Variants in THTPA observed in about 807,000 individuals in gnomAD.
The protein encoded by THTPA is thiamine-triphosphatase.
THTPA carries 16 observed loss-of-function variants against 16.5 expected under a neutral mutation model. That is an observed-to-expected ratio of 0.97 (90% CI 0.66 to 1.47). The LOEUF is 1.47. THTPA is among the 40% of genes most tolerant of loss of function. The pLI, the probability that THTPA is intolerant of heterozygous loss-of-function variation, is 0.00. For missense variants in THTPA, 281 were observed against 280.9 expected (o/e 1.00, Z 0.00); for synonymous variants, 110 against 115.5 (o/e 0.95, Z 0.30).
chr14:23,547,721 T>TA, the THTPA span, among the ~76,000 whole-genome samples: 1 of 152,166 alleles, frequency 6.6e-6, no homozygotes, highest in Admixed American at 6.5e-5. Flanking sequence ...AATGTAGACT[T>TA]AGGTGGGGGG....
the THTPA span, chr14:23,523,026 A>C: frequency 7.1e-7 from 1 of 1,412,978 alleles, no homozygotes; most frequent in East Asian, 2.6e-5. This position sits in a 1 kb window ranked among gnomAD's most constrained non-coding sequence, Gnocchi z 4.1. Flanking sequence ...AGCCACACAC[A>C]CCCGTTCCCA....
chr14:23,533,616 C>T, the THTPA span: 3 of 1,536,858 alleles, frequency 2.0e-6, no homozygotes, highest in Middle Eastern at 1.7e-4. This position sits in a 1 kb window ranked among gnomAD's most constrained non-coding sequence, Gnocchi z 4.8. Context: ...ACACCTTGCA[C>T]TGCCAGGATG....
chr14:23,521,797 T>C, the THTPA span: 7 of 1,249,562 alleles, frequency 5.6e-6, no homozygotes, highest in Middle Eastern at 2.8e-4. Flanking sequence ...AGGACTCTGC[T>C]GGAAGTGGGG....
At chr14:23,523,329 G>T in the THTPA span, 17 of 1,457,588 alleles carry the variant, frequency 1.2e-5, no homozygotes, top group Non-Finnish European at 1.5e-5. The surrounding 1 kb of genome is among the most constrained non-coding windows in gnomAD (Gnocchi z 4.1). Flanking sequence ...GTGGTGGCAG[G>T]TGGGGCCTTG....
the THTPA span, among the ~76,000 whole-genome samples, chr14:23,537,007 GTGCA>G: frequency 6.6e-6 from 1 of 151,942 alleles, no homozygotes; most frequent in African/African-American, 2.4e-5. Flanking sequence ...GGGCGTGGTG[GTGCA>G]TGCCTGTAAT....
At position 23,556,864 on chromosome 14, in the gene THTPA, G is replaced by A. The variant is rs1490769188; in HGVS notation, c.107G>A (p.Arg36Gln). 6.2e-7 allele frequency: 1 copy of A among 1,613,180 alleles called. No homozygotes were observed. Among genetic ancestry groups the A allele is most frequent in the South Asian group, 1.1e-5 (1 of 90,916 alleles). The change falls in exon 1 of 2, where the codon CGA becomes CAA. Residue 36 changes from arginine (R) to glutamine (Q), a missense_variant. Coordinates refer to ENST00000288014, the MANE Select transcript of THTPA (RefSeq NM_024328.6). ...GGTLEYRVTF[R>Q]DTYYDTPELS... Reference sequence around the variant, plus strand: ...ACCCTGGAGTACCGGGTCACCTTCCGAGACACCTACTATGACACCCCTGAG... The same window carrying A: ...ACCCTGGAGTACCGGGTCACCTTCCAAGACACCTACTATGACACCCCTGAG...
the THTPA span, among the ~76,000 whole-genome samples, chr14:23,550,972 C>A: frequency 6.6e-6 from 1 of 152,190 alleles, no homozygotes; most frequent in African/African-American, 2.4e-5. Context: ...CCCCTTCCCC[C>A]CGGGATCCCC....
the THTPA span, chr14:23,528,522 T>C: frequency 1.2e-6 from 1 of 861,914 alleles, no homozygotes; most frequent in Non-Finnish European, 1.4e-6. Context: ...CTGTCGTGTC[T>C]TCTCTGTGAA....
At chr14:23,526,894 G>A in the THTPA span, 1 of 1,534,230 alleles carries the variant, frequency 6.5e-7, no homozygotes, top group Non-Finnish European at 8.7e-7. Flanking sequence ...ATGAGTGGGG[G>A]GTTCTTGGCC....
chr14:23,520,395 A>G, the THTPA span, among the ~76,000 whole-genome samples: 84,865 of 151,482 alleles, frequency 0.56, 25,775 homozygotes, highest in African/African-American at 0.81. This position sits in a 1 kb window ranked among gnomAD's most constrained non-coding sequence, Gnocchi z 8.7. Flanking sequence ...GTGGGCCTCC[A>G]GGGGGGCAGC....
At chr14:23,552,166 A>G (rs1882017106), upstream of THTPA, among the ~76,000 whole-genome samples, 3 of 151,738 alleles carry the variant, frequency 2.0e-5, no homozygotes, top group South Asian at 2.1e-4. Context: ...TACCGCAGCA[A>G]TTACTCTTTA....
chr14:23,550,916 G>A, the THTPA span, among the ~76,000 whole-genome samples: 1 of 151,838 alleles, frequency 6.6e-6, no homozygotes, highest in Non-Finnish European at 1.5e-5. Flanking sequence ...CCGAGACCCA[G>A]GACCCTCCAG....
the THTPA span, chr14:23,548,338 G>A: frequency 6.6e-6 from 1 of 152,316 alleles, no homozygotes; most frequent in South Asian, 2.1e-4. Flanking sequence ...TCTGAGCTGG[G>A]AAGAGCTCCA....
intron 1 of THTPA, among the ~76,000 whole-genome samples, chr14:23,557,729 C>T (rs1882603896): frequency 6.6e-6 from 1 of 152,152 alleles, no homozygotes; most frequent in South Asian, 2.1e-4. Context: ...CAGTTCCCTG[C>T]TTTGACTCTT....
chr14:23,537,189 T>C, the THTPA span, among the ~76,000 whole-genome samples: 1 of 151,412 alleles, frequency 6.6e-6, no homozygotes, highest in African/African-American at 2.4e-5. Context: ...TGAGGATTCC[T>C]GGGCTGCCTC....
At chr14:23,521,830 G>A in the THTPA span, 5 of 1,435,668 alleles carry the variant, frequency 3.5e-6, no homozygotes, top group Non-Finnish European at 4.6e-6. Flanking sequence ...ACTGAGGGTG[G>A]GAACTGAACA....
At chr14:23,526,100 G>C in the THTPA span, 12 of 1,536,538 alleles carry the variant, frequency 7.8e-6, no homozygotes, top group Non-Finnish European at 1.0e-5. Flanking sequence ...CTTGGAATCA[G>C]TCTTGGTTCC....
the THTPA span, among the ~76,000 whole-genome samples, chr14:23,546,876 C>A: frequency 6.6e-6 from 1 of 152,164 alleles, no homozygotes; most frequent in South Asian, 2.1e-4. This position sits in a 1 kb window ranked among gnomAD's most constrained non-coding sequence, Gnocchi z 4.7. Context: ...TCAGGCCCCC[C>A]GCCCACCAGC....
chr14:23,551,674 TCTCCTCCTCGCCCTCCTCCTCCTC>T (rs1182611455), upstream of THTPA: 5 of 151,740 alleles, frequency 3.3e-5, no homozygotes, highest in East Asian at 3.9e-4. This position sits in a 1 kb window ranked among gnomAD's most constrained non-coding sequence, Gnocchi z 5.3. Context: ...TCCTCCTCCT[TCTCCTCCTCGCCCTCCTCCTCCTC>T]CTCCTCCTCG....
Sources: gnomAD v4.1 joint callset for allele counts (sites outside exome capture counted in the v4.1 genomes callset) on GRCh38, gnomAD v4.1.1 for gene constraint, Gnocchi (gnomAD v3.1) non-coding constraint, MANE v1.5 for transcripts, NCBI Gene and HGNC (gene_info 2026-07-23, HGNC 2026-07-21) for gene names.